The following MAL2 variants were observed in gnomAD, a reference collection of about 807,000 sequenced individuals.
The protein encoded by MAL2 is protein MAL2.
Under a neutral mutation model 18.1 loss-of-function variants are expected in MAL2, and 17 were observed. That is an observed-to-expected ratio of 0.94 (90% confidence interval 0.64 to 1.41). The LOEUF is 1.41. Ranked by LOEUF, MAL2 falls within the 40% of genes most tolerant of loss-of-function variation. The pLI is 0.00. For missense variants in MAL2, 222 were observed against 231.9 expected, an observed-to-expected ratio of 0.96 and a Z score of 0.28; for synonymous variants, 102 against 102.3, an observed-to-expected ratio of 1.00 and a Z score of 0.02.
At chr8:119,236,551 T>C (rs200403683) in intron 2 of MAL2, among the ~76,000 whole-genome samples, 1 of 150,724 alleles carries the variant, frequency 6.6e-6, no homozygotes, top group Non-Finnish European at 1.5e-5. Context: ...GAAGTAAAGC[T>C]CTCCTCAGCA....
At chr8:119,212,161 A>T (rs1042183089) in intron 1 of MAL2, among the ~76,000 whole-genome samples, 2 of 152,222 alleles carry the variant, frequency 1.3e-5, no homozygotes, top group Admixed American at 6.5e-5. Context: ...CATCTGCACT[A>T]TTGGGCTGAA....
intron 2 of MAL2, among the ~76,000 whole-genome samples, chr8:119,238,334 G>T (rs1173437922): frequency 1.3e-5 from 2 of 152,170 alleles, no homozygotes; most frequent in Non-Finnish European, 2.9e-5. Context: ...CCAATATCAT[G>T]AAAATGGCCA....
At chr8:119,226,476 A>G (rs1045044234) in intron 2 of MAL2, among the ~76,000 whole-genome samples, 5 of 118,420 alleles carry the variant, frequency 4.2e-5, no homozygotes, top group African/African-American at 1.6e-4. Flanking sequence ...GCTTAAGACA[A>G]GAATGTGAGA....
intron 2 of MAL2, among the ~76,000 whole-genome samples, chr8:119,227,167 CATTA>C (rs1356476347): frequency 2.0e-5 from 3 of 152,142 alleles, no homozygotes; most frequent in Admixed American, 6.5e-5. Flanking sequence ...AAAATTAATG[CATTA>C]ATTAATGTTA....
chr8:119,241,738 T>C (rs1314959086), intron 3 of MAL2, among the ~76,000 whole-genome samples: 1 of 152,188 alleles, frequency 6.6e-6, no homozygotes, highest in African/African-American at 2.4e-5. Context: ...AAAGGAGTCA[T>C]GGTTTTAGCT....
intron 2 of MAL2, among the ~76,000 whole-genome samples, chr8:119,232,779 ATATGT>A (rs1817760666): frequency 6.6e-6 from 1 of 152,218 alleles, no homozygotes; most frequent in African/African-American, 2.4e-5. Context: ...TAAAGACAGC[ATATGT>A]TATGGCTTTT....
At position 119,243,510 on chromosome 8, in the gene MAL2, C is replaced by CCAGTTAGTGAAACTAACTG; in HGVS notation, c.*22_*23insCAGTTAGTGAAACTAACTG. On this transcript the variant is annotated 3_prime_UTR_variant, in exon 4 of 4. Transcript: ENST00000614891. ...GTAACACTCCTTAGAAACTGGCAGT[C>CCAGTTAGTGAAACTAACTG]GTATGTTAGTTTCACTTGTCTACTT... 6.4e-7 allele frequency: 1 copy of CCAGTTAGTGAAACTAACTG among 1,563,472 alleles called. No individual in the cohort carries two copies. The highest frequency in any genetic ancestry group is 8.7e-7 in the Non-Finnish European group (1 of 1,152,458).
chr8:119,220,161 C>T (rs1216080959), intron 1 of MAL2, among the ~76,000 whole-genome samples: 1 of 152,180 alleles, frequency 6.6e-6, no homozygotes, highest in Non-Finnish European at 1.5e-5. Flanking sequence ...CTCATCTTCA[C>T]ACCATTTCTC....
intron 2 of MAL2, among the ~76,000 whole-genome samples, chr8:119,235,713 A>C (rs1392819195): frequency 6.6e-6 from 1 of 150,648 alleles, no homozygotes; most frequent in Non-Finnish European, 1.5e-5. Context: ...AGTGAAGGAG[A>C]AATAAAATAC....
chr8:119,218,269 A>G (rs1440208807), intron 1 of MAL2, among the ~76,000 whole-genome samples: 2 of 152,082 alleles, frequency 1.3e-5, no homozygotes, highest in South Asian at 2.1e-4. Context: ...CACATACCCC[A>G]CAAGTGAGGA....
At chr8:119,231,071 G>A (rs1817714081) in intron 2 of MAL2, among the ~76,000 whole-genome samples, 1 of 151,622 alleles carries the variant, frequency 6.6e-6, no homozygotes, top group Non-Finnish European at 1.5e-5. Flanking sequence ...TTGCTCTGTT[G>A]TCCAGGCTGG....
At chr8:119,212,782 A>G (rs1335768546) in intron 1 of MAL2, among the ~76,000 whole-genome samples, 2 of 152,160 alleles carry the variant, frequency 1.3e-5, no homozygotes, top group African/African-American at 2.4e-5. Flanking sequence ...CAAGAAGGAC[A>G]ATGGCAAGAA....
chr8:119,211,867 C>G (rs1587116789), intron 1 of MAL2, among the ~76,000 whole-genome samples: 1 of 130,812 alleles, frequency 7.6e-6, no homozygotes, highest in South Asian at 2.4e-4. Context: ...AGAATGGAAG[C>G]CATCACCTTC....
intron 1 of MAL2, among the ~76,000 whole-genome samples, chr8:119,219,118 A>AAC (rs1817413803): frequency 6.6e-6 from 1 of 152,186 alleles, no homozygotes; most frequent in Admixed American, 6.5e-5. Context: ...GTGGTGGTTA[A>AAC]ATGTTTAAGA....
intron 2 of MAL2, among the ~76,000 whole-genome samples, chr8:119,222,304 A>G (rs866681247): frequency 2.0e-5 from 3 of 151,946 alleles, no homozygotes; most frequent in African/African-American, 7.2e-5. Context: ...GCCGAGGCAG[A>G]TGAATCATGA....
Position 119,208,515 on chromosome 8 carries a change from G to T in MAL2, c.43G>T (p.Ala15Ser). The change falls in exon 1 of 4, where the codon GCC (alanine) becomes TCC (serine). Residue 15 changes from alanine to serine, a missense_variant. Physicochemically the swap from Ala to Ser is moderately conservative, Grantham distance 99. Transcript: ENST00000614891. The surrounding 1 kb of genome is among the most constrained non-coding windows in gnomAD (Gnocchi z 4.3). The part of the protein sequence containing the change: ...GASVPPPPNP[A>S]VSFPPPRVTL... ...GTCAGTCCCGCCGCCCCCGAACCCC[G>T]CCGTGTCCTTCCCGCCGCCCCGGGT... 1.5e-6 allele frequency: 2 copies of T among 1,376,058 alleles called. No individual in the cohort carries two copies. Among genetic ancestry groups the T allele is most frequent in the Non-Finnish European group, 1.9e-6 (2 of 1,060,776 alleles). The allele number at this position is 1,376,058 out of a possible 1,614,324, so 85.2% of individuals were successfully genotyped here. A position where few individuals can be genotyped will look rare whatever the true frequency, so the allele number is the denominator to read the frequency against.
intron 1 of MAL2, 68 bp from the exon 2 acceptor site, chr8:119,221,518 AG>A (rs1817463505): frequency 6.3e-7 from 1 of 1,575,730 alleles, no homozygotes; most frequent in Admixed American, 1.7e-5. Flanking sequence ...GGGTAATACA[AG>A]CATGTTTAAT....
chr8:119,232,098 ATATATTTTTT>A (rs1329713637), intron 2 of MAL2, among the ~76,000 whole-genome samples: 1 of 148,146 alleles, frequency 6.8e-6, no homozygotes, highest in African/African-American at 2.6e-5. Context: ...GGGAGGTTTT[ATATATTTTTT>A]TATATATTTA....
rs528259915 is a variant in MAL2, at chr8:119,237,071, A to T, written c.304-3094A>T. On this transcript the variant is annotated intron_variant, in intron 2 of 3. Coordinates refer to ENST00000614891, the MANE Select transcript of MAL2 (RefSeq NM_052886.3). ...CAAGACTAATAAAGAAAAAAAGAAG[A>T]ATCAAATAGACACAATAAAAAATGA... 2.3e-3 allele frequency among the ~76,000 whole-genome samples: 348 copies of T among 152,250 alleles called. 1 individual carries two copies. Among genetic ancestry groups the T allele is most frequent in the African/African-American group, 8.2e-3 (342 of 41,542 alleles).
Sources: gnomAD v4.1 joint callset for allele counts (sites outside exome capture counted in the v4.1 genomes callset) on GRCh38, gnomAD v4.1.1 for gene constraint, Gnocchi (gnomAD v3.1) non-coding constraint, MANE v1.5 for transcripts, NCBI Gene and HGNC (gene_info 2026-07-23, HGNC 2026-07-21) for gene names.